Variants in TXNRD1 observed in about 807,000 individuals in gnomAD.
TXNRD1 encodes thioredoxin reductase 1, cytoplasmic.
In TXNRD1, 57 loss-of-function variants were observed where a neutral mutation model predicts 80.3. The ratio of observed to expected loss-of-function variants is 0.71; its 90% CI spans 0.57 to 0.89. The LOEUF is 0.89. TXNRD1 is among the 40% of genes least tolerant of loss of function. The pLI, the probability that TXNRD1 is intolerant of heterozygous loss-of-function variation, is 0.00. For synonymous variants in TXNRD1, 291 were observed against 285.2 expected, an observed-to-expected ratio of 1.02 and a Z score of -0.20; for missense variants, 730 against 803.0, an observed-to-expected ratio of 0.91 and a Z score of 1.10.
chr12:104,314,312 G>C (rs1256397455), intron 6 of TXNRD1, among the ~76,000 whole-genome samples: 5 of 152,200 alleles, frequency 3.3e-5, no homozygotes, highest in Non-Finnish European at 5.9e-5. Context: ...ATTTTTTAAA[G>C]ATTACTTGGC....
rs376182332 is a variant in TXNRD1 at position 104,321,091 on chromosome 12, T to C, written c.990T>C (p.Ser330=). ...TTCCTTTTTTTTTTTTTTCCCCCAG[T>C]GATGATCTTTTCTCCTTGCCTTACT... The part of the protein sequence containing the change: ...IPGDKEYCIS[S]DDLFSLPYCP... The change falls in exon 10 of 17, where the codon AGT becomes AGC. Residue 330 remains serine (S), a splice_region_variant and synonymous_variant. Coordinates refer to ENST00000525566, the MANE Select transcript of TXNRD1 (RefSeq NM_001093771.3). 6.3e-7 allele frequency: 1 copy of C among 1,598,228 alleles called. No homozygotes were observed. The highest frequency in any genetic ancestry group is 8.6e-7 in the Non-Finnish European group (1 of 1,168,648).
intron 1 of TXNRD1, among the ~76,000 whole-genome samples, chr12:104,240,933 G>T (rs1049943355): frequency 1.3e-5 from 2 of 151,730 alleles, no homozygotes; most frequent in African/African-American, 2.4e-5. Flanking sequence ...AGTAGAGATG[G>T]GGTTTCACCG....
intron 4 of TXNRD1, among the ~76,000 whole-genome samples, chr12:104,296,425 T>A (rs2034436969): frequency 6.6e-6 from 1 of 152,182 alleles, no homozygotes; most frequent in South Asian, 2.1e-4. Context: ...AAAAATTTCT[T>A]TAGAGGCAAG....
intron 3 of TXNRD1, chr12:104,262,689 G>C (rs550205770): frequency 6.6e-6 from 1 of 152,432 alleles, no homozygotes; most frequent in Admixed American, 6.5e-5. Context: ...AGTGCCTGCT[G>C]TGCACTAGGC....
Position 104,334,267 on chromosome 12 carries a change from T to C in TXNRD1, c.1681T>C (p.Trp561Arg), listed in dbSNP as rs2036056356. The change falls in exon 15 of 17, where the codon TGG (tryptophan) becomes CGG (arginine). Residue 561 changes from tryptophan (W) to arginine (R), a missense_variant. By Grantham distance (101) the Trp-to-Arg change is moderately radical (BLOSUM62 -3). Transcript: ENST00000525566. ...CCATAGTTACTTTTGGCCATTGGAA[T>C]GGACGATTCCGTCAAGAGATAACAA... ...VYHSYFWPLE[W>R]TIPSRDNNKC... The C allele has an allele frequency of 6.5e-7, 1 of 1,535,962 alleles. No homozygotes were observed. Among genetic ancestry groups the C allele is most frequent in the Non-Finnish European group, 8.8e-7 (1 of 1,138,670 alleles).
In TXNRD1 at chr12:104,349,952, G is replaced by T. The variant is rs1014876888; in HGVS notation, c.*1531G>T. The T allele has an allele frequency of 1.3e-5, 2 of 152,420 alleles. No homozygotes were observed. The highest frequency in any genetic ancestry group is 4.8e-5 in the African/African-American group (2 of 41,424). The allele number at this position is 152,420 out of a possible 1,614,324, so 9.4% of individuals were successfully genotyped here. A position where few individuals can be genotyped will look rare whatever the true frequency, so the allele number is the denominator to read the frequency against. Reference sequence around the variant, plus strand: ...TGGCTGTGTAAAGAAATGGGAAAAGGGAAAAGGAGAGAGCAATTGAGGCAG... The same window carrying T: ...TGGCTGTGTAAAGAAATGGGAAAAGTGAAAAGGAGAGAGCAATTGAGGCAG... On this transcript the variant is annotated 3_prime_UTR_variant, in exon 17 of 17. Transcript: ENST00000525566.
At chr12:104,304,156 C>A in intron 4 of TXNRD1, 1 of 1,614,090 alleles carries the variant, frequency 6.2e-7, no homozygotes, top group Non-Finnish European at 8.5e-7. Flanking sequence ...AGGAAGCCAA[C>A]GTCCTCTTTG....
chr12:104,315,565 GT>G (rs1468903816), intron 6 of TXNRD1, among the ~76,000 whole-genome samples: 11 of 152,034 alleles, frequency 7.2e-5, no homozygotes, highest in Non-Finnish European at 1.6e-4. Context: ...CCCTCTTTTT[GT>G]TTTGTTTTAG....
intron 15 of TXNRD1, among the ~76,000 whole-genome samples, chr12:104,337,133 T>G (rs955158480): frequency 2.0e-5 from 3 of 152,048 alleles, no homozygotes; most frequent in African/African-American, 7.2e-5. Flanking sequence ...AATCTCTTGT[T>G]TTTTGAGACC....
intron 1 of TXNRD1, among the ~76,000 whole-genome samples, chr12:104,245,625 G>A (rs1238891773): frequency 2.8e-5 from 4 of 143,462 alleles, no homozygotes; most frequent in Middle Eastern, 7.1e-3. Context: ...CTGCAGCCTG[G>A]GTGTTGGAGC....
chr12:104,343,172 G>A (rs1306400719), intron 16 of TXNRD1, among the ~76,000 whole-genome samples: 2 of 152,134 alleles, frequency 1.3e-5, no homozygotes, highest in African/African-American at 2.4e-5. Context: ...CACCCCATGC[G>A]GTGGATGCGG....
chr12:104,327,727 C>T (rs2135853056), intron 13 of TXNRD1, 56 bp downstream of exon 13: 4 of 1,556,666 alleles, frequency 2.6e-6, no homozygotes, highest in Non-Finnish European at 3.5e-6. Context: ...CTCCCAGTTC[C>T]TTATTTAGGG....
At chr12:104,226,903 A>T (rs1215039998) in intron 1 of TXNRD1, among the ~76,000 whole-genome samples, 2 of 152,218 alleles carry the variant, frequency 1.3e-5, no homozygotes, top group African/African-American at 4.8e-5. Context: ...GCATGCCTGA[A>T]TGACTACTAA....
At chr12:104,308,186 G>A (rs1197181902) in intron 4 of TXNRD1, among the ~76,000 whole-genome samples, 1 of 151,998 alleles carries the variant, frequency 6.6e-6, no homozygotes, top group African/African-American at 2.4e-5. Context: ...TAGTAGAGAC[G>A]GGGTTTCACC....
chr12:104,281,875 C>T (rs1010972701), intron 3 of TXNRD1, among the ~76,000 whole-genome samples: 4 of 152,188 alleles, frequency 2.6e-5, no homozygotes, highest in African/African-American at 9.7e-5. Context: ...GATGTGACCC[C>T]TGGCTATTCC....
chr12:104,284,230 C>G (rs995497247), intron 3 of TXNRD1: 11 of 152,184 alleles, frequency 7.2e-5, no homozygotes, highest in East Asian at 3.9e-4. Context: ...AGTTTGTGGT[C>G]TTAACTTTAA....
At chr12:104,314,409 T>C (rs781462516) in intron 6 of TXNRD1, among the ~76,000 whole-genome samples, 1 of 152,208 alleles carries the variant, frequency 6.6e-6, no homozygotes, top group Non-Finnish European at 1.5e-5. Flanking sequence ...AGATATTTAA[T>C]GTGTCAATCT....
At chr12:104,291,471 C>T (rs1301645683) in intron 4 of TXNRD1, among the ~76,000 whole-genome samples, 5 of 147,488 alleles carry the variant, frequency 3.4e-5, no homozygotes, top group South Asian at 2.1e-4. Context: ...TGTGACCCAC[C>T]GCACCCAGCT....
chr12:104,260,104 T>C (rs7295413), intron 3 of TXNRD1, among the ~76,000 whole-genome samples: 138,350 of 152,146 alleles, frequency 0.91, 63,132 homozygotes, highest in African/African-American at 0.98. Flanking sequence ...GAGGTGGAGG[T>C]GGGAGGATTG....
Sources: allele counts gnomAD v4.1 joint callset (sites outside exome capture counted in the v4.1 genomes callset), GRCh38; gene constraint gnomAD v4.1.1; transcripts MANE v1.5; gene names NCBI Gene and HGNC (gene_info 2026-07-23, HGNC 2026-07-21).